Variants in ABLIM1 observed in about 807,000 individuals in gnomAD.
ABLIM1 encodes the protein actin-binding LIM protein 1.
Under a neutral mutation model 107.0 loss-of-function variants are expected in ABLIM1, and 40 were observed. The ratio of observed to expected loss-of-function variants is 0.37; its 90% confidence interval spans 0.29 to 0.49. The LOEUF (loss-of-function observed/expected upper bound fraction) is 0.49. Ranked by LOEUF, ABLIM1 falls within the 20% of genes least tolerant of loss-of-function variation. The pLI is 0.97. For missense variants in ABLIM1, 857 were observed against 1,008.5 expected, an observed-to-expected ratio of 0.85 and a Z score of 2.04; for synonymous variants, 357 against 357.3, an observed-to-expected ratio of 1.00 and a Z score of 0.01.
chr10:114,710,598 A>G (rs2081528288), intron 1 of ABLIM1, among the ~76,000 whole-genome samples: 1 of 152,132 alleles, frequency 6.6e-6, no homozygotes, highest in African/African-American at 2.4e-5. Context: ...AACGCAGCCA[A>G]ACCATATCAC....
intron 12 of ABLIM1, among the ~76,000 whole-genome samples, chr10:114,456,734 A>G (rs1415733267): frequency 2.0e-5 from 3 of 152,192 alleles, no homozygotes; most frequent in East Asian, 3.9e-4. Context: ...AAATATTTCT[A>G]TCAACAAGAC....
chr10:114,605,937 T>C (rs1352288894), intron 1 of ABLIM1, among the ~76,000 whole-genome samples: 1 of 152,134 alleles, frequency 6.6e-6, no homozygotes, highest in Non-Finnish European at 1.5e-5. Context: ...TTGGAATGTC[T>C]ATTAACGATC....
intron 1 of ABLIM1, among the ~76,000 whole-genome samples, chr10:114,743,623 C>G (rs1171776934): frequency 6.6e-6 from 1 of 152,176 alleles, no homozygotes; most frequent in East Asian, 1.9e-4. Context: ...AATCATTCCT[C>G]TTTCAAAACT....
chr10:114,635,099 T>G (rs1392484829), intron 1 of ABLIM1, among the ~76,000 whole-genome samples: 1 of 152,236 alleles, frequency 6.6e-6, no homozygotes, highest in African/African-American at 2.4e-5. Flanking sequence ...TATCTCAATC[T>G]CATTCCACTC....
At chr10:114,788,872 C>A in the ABLIM1 span, among the ~76,000 whole-genome samples, 8,660 of 152,226 alleles carry the variant, frequency 0.057, 314 homozygotes, top group Non-Finnish European at 0.083. Flanking sequence ...ATAGAATACA[C>A]CAGTACCAAA....
chr10:114,771,444 G>A (rs755076752), upstream of ABLIM1, among the ~76,000 whole-genome samples: 16 of 152,268 alleles, frequency 1.1e-4, no homozygotes, highest in Admixed American at 3.9e-4. Flanking sequence ...GTTTCCCTAT[G>A]TATTTAGCTT....
intron 2 of ABLIM1, among the ~76,000 whole-genome samples, chr10:114,576,577 A>T (rs2072592983): frequency 6.6e-6 from 1 of 152,106 alleles, no homozygotes; most frequent in Non-Finnish European, 1.5e-5. Flanking sequence ...ACCTGCTCGA[A>T]TGCTCCCAGG....
At chr10:114,691,397 A>T (rs1484087254) in intron 1 of ABLIM1, among the ~76,000 whole-genome samples, 2 of 152,236 alleles carry the variant, frequency 1.3e-5, no homozygotes, top group East Asian at 3.8e-4. Context: ...TTACATTTGC[A>T]TACACAGCTA....
chr10:114,446,472 G>A (rs1344038557), intron 15 of ABLIM1, among the ~76,000 whole-genome samples: 1 of 152,186 alleles, frequency 6.6e-6, no homozygotes. Flanking sequence ...GAGAGGTTAA[G>A]ATAATTATTG....
intron 2 of ABLIM1, among the ~76,000 whole-genome samples, chr10:114,582,577 A>C (rs1206516309): frequency 6.6e-6 from 1 of 152,234 alleles, no homozygotes; most frequent in African/African-American, 2.4e-5. Context: ...AAAGGAACAA[A>C]GCTAGCGGCA....
chr10:114,611,926 C>A (rs775667414), intron 1 of ABLIM1, among the ~76,000 whole-genome samples: 6 of 152,154 alleles, frequency 3.9e-5, no homozygotes, highest in Non-Finnish European at 7.3e-5. Flanking sequence ...ACTCCCACCT[C>A]TTCTCTCTAA....
At chr10:114,734,152 G>T (rs541081717) in intron 1 of ABLIM1, among the ~76,000 whole-genome samples, 1 of 151,918 alleles carries the variant, frequency 6.6e-6, no homozygotes, top group Admixed American at 6.6e-5. Context: ...GAACCATCAC[G>T]CTTGGCCATG....
At chr10:114,540,230 A>C (rs17092023) in intron 6 of ABLIM1, among the ~76,000 whole-genome samples, 8,511 of 152,310 alleles carry the variant, frequency 0.056, 270 homozygotes, top group Middle Eastern at 0.088. Context: ...CTTACAGCCA[A>C]GACATGAGAA....
At chr10:114,771,905 G>C (rs2083029088), upstream of ABLIM1, among the ~76,000 whole-genome samples, 1 of 152,108 alleles carries the variant, frequency 6.6e-6, no homozygotes, top group African/African-American at 2.4e-5. Flanking sequence ...GGAAGGAAAG[G>C]TAATGTACAT....
rs143708042 is a variant in ABLIM1 at position 114,436,289 on chromosome 10, C to T, written c.2308G>A (p.Asp770Asn). ...AAGAGTTTTGCTTTTTTCTTCATGT[C>T]GTTGCGTCTCCAAAGAGGTAACCTG... is the stretch of plus-strand genomic sequence containing the variant. ...FDRLPLWRRN[D>N]MKKKAKLF is the part of the protein sequence containing the mutation. Residue 770 changes from aspartate to asparagine, a missense_variant, in exon 23 of 23, where the codon GAC becomes AAC. By Grantham distance (23) the Asp-to-Asn change is conservative. Transcript: ENST00000533213. 262 of 1,613,750 alleles carry T rather than the reference C, an allele frequency of 1.6e-4. 4 individuals carry two copies. Among genetic ancestry groups the T allele is most frequent in the South Asian group, 1.3e-3 (119 of 91,032 alleles).
At chr10:114,615,322 G>T (rs967659866) in intron 1 of ABLIM1, among the ~76,000 whole-genome samples, 1 of 152,212 alleles carries the variant, frequency 6.6e-6, no homozygotes, top group East Asian at 1.9e-4. Context: ...CTCCAGGCAT[G>T]CTTTTCCCTG....
At chr10:114,555,007 C>T (rs182543136) in intron 4 of ABLIM1, among the ~76,000 whole-genome samples, 2 of 152,064 alleles carry the variant, frequency 1.3e-5, no homozygotes, top group Admixed American at 1.3e-4. Flanking sequence ...GTGTAATTAC[C>T]GAGCCGAATT....
At chr10:114,710,209 G>A (rs808256) in intron 1 of ABLIM1, among the ~76,000 whole-genome samples, 89,284 of 152,042 alleles carry the variant, frequency 0.59, 26,455 homozygotes, top group South Asian at 0.66. Context: ...TTGTATTACA[G>A]TGCAATCTTT....
intron 1 of ABLIM1, among the ~76,000 whole-genome samples, chr10:114,718,352 C>T (rs982733810): frequency 2.0e-5 from 3 of 152,162 alleles, no homozygotes; most frequent in Non-Finnish European, 4.4e-5. Flanking sequence ...CACCCCCACA[C>T]ACACGTTTTC....
Sources: allele counts gnomAD v4.1 joint callset (sites outside exome capture counted in the v4.1 genomes callset), GRCh38; gene constraint gnomAD v4.1.1; transcripts MANE v1.5; gene names NCBI Gene and HGNC (gene_info 2026-07-23, HGNC 2026-07-21).